PLXDC1: variants seen among roughly 807,000 people sequenced by gnomAD.
PLXDC1 encodes the protein plexin domain containing 1, also known as plexin domain-containing protein 1.
A neutral mutation model predicts 61.3 loss-of-function variants in PLXDC1; 39 were observed. The ratio of observed to expected loss-of-function variants is 0.64; its 90% confidence interval spans 0.49 to 0.83. The LOEUF is 0.83. PLXDC1 is among the 40% of genes least tolerant of loss of function. The pLI, the probability that PLXDC1 is intolerant of heterozygous loss-of-function variation, is 0.00. For missense variants in PLXDC1, 596 were observed against 666.5 expected, an observed-to-expected ratio of 0.89 and a Z score of 1.17; for synonymous variants, 212 against 254.5, an observed-to-expected ratio of 0.83 and a Z score of 1.59.
chr17:39,123,096 C>T (rs552946706), intron 2 of PLXDC1, among the ~76,000 whole-genome samples: 44 of 152,300 alleles, frequency 2.9e-4, no homozygotes, highest in African/African-American at 1.0e-3. Context: ...GTAAGACAGA[C>T]CCAAGTTCCA....
intron 2 of PLXDC1, chr17:39,112,037 T>C (rs115102192): frequency 0.011 from 1,711 of 152,246 alleles, 33 homozygotes; most frequent in African/African-American, 0.039. Context: ...CTGTCTCTCC[T>C]ATTTCCACCC....
At chr17:39,130,988 C>A (rs374537132) in intron 2 of PLXDC1, among the ~76,000 whole-genome samples, 1 of 152,144 alleles carries the variant, frequency 6.6e-6, no homozygotes, top group Non-Finnish European at 1.5e-5. Context: ...GGAACCGGAC[C>A]GGGAGAAAAC....
At chr17:39,135,761 A>T (rs950174315) in intron 2 of PLXDC1, among the ~76,000 whole-genome samples, 4 of 152,018 alleles carry the variant, frequency 2.6e-5, no homozygotes, top group Non-Finnish European at 4.4e-5. Context: ...CCAGGAACAC[A>T]TGGGGAACTT....
In PLXDC1 at chr17:39,079,116, G is replaced by A; in HGVS notation, c.1038C>T (p.Gly346=). The change falls in exon 10 of 14, where the codon GGC becomes GGT. Residue 346 remains glycine (G), a synonymous_variant. Transcript: ENST00000315392. ...TTATGCTTCTCACCTCCTGTGCACA[G>A]CCATAGTCCATCCACTCCTGGCGAT... ...DRYRQEWMDY[G]CAQEAEGRMC... 1 of 1,613,650 alleles carries A rather than the reference G, an allele frequency of 6.2e-7. No individual in the cohort carries two copies. Among genetic ancestry groups the A allele is most frequent in the South Asian group, 1.1e-5 (1 of 91,066 alleles).
At chr17:39,099,077 G>A (rs920005057) in intron 7 of PLXDC1, among the ~76,000 whole-genome samples, 1 of 152,032 alleles carries the variant, frequency 6.6e-6, no homozygotes. Flanking sequence ...GTGTCTGGGG[G>A]TCAGGTGCTG....
In PLXDC1 at chr17:39,063,603, AC is replaced by A. The variant is rs1908789215; in HGVS notation, c.*4236del. 4.7e-5 allele frequency: 31 copies of A among 654,154 alleles called. 1 individual carries two copies. In the South Asian group the frequency reaches 5.3e-4, roughly 11 times the overall value. 40.5% of individuals were successfully genotyped at this position (654,154 alleles called of 1,614,324 possible). ...AAATCCTTTGCACTTTCTTTTGCAC[AC>A]AGCAGGAGTTGTAAAAGAATGCTTC... On this transcript the variant is annotated 3_prime_UTR_variant, in exon 14 of 14. Coordinates refer to ENST00000315392, the MANE Select transcript of PLXDC1 (RefSeq NM_020405.5).
chr17:39,152,780 A>AG (rs1555574935), upstream of PLXDC1: 43 of 882,604 alleles, frequency 4.9e-5, no homozygotes, highest in African/African-American at 5.1e-4. Flanking sequence ...TAAAAAAAAA[A>AG]AAAAGAAAAG....
At chr17:39,090,025 C>T (rs995874666) in intron 7 of PLXDC1, among the ~76,000 whole-genome samples, 2 of 152,110 alleles carry the variant, frequency 1.3e-5, no homozygotes, top group African/African-American at 4.8e-5. Flanking sequence ...TCCCAAACTC[C>T]TGACCTCAGG....
At chr17:39,133,657 C>T (rs1483070739) in intron 2 of PLXDC1, among the ~76,000 whole-genome samples, 1 of 152,152 alleles carries the variant, frequency 6.6e-6, no homozygotes, top group African/African-American at 2.4e-5. Flanking sequence ...CTTGCTCTGT[C>T]ACCCAGGCTG....
At chr17:39,152,780 A>AAAAG, upstream of PLXDC1, 2 of 882,596 alleles carry the variant, frequency 2.3e-6, no homozygotes, top group East Asian at 3.3e-5. Context: ...TAAAAAAAAA[A>AAAAG]AAAAGAAAAG....
chr17:39,151,394 G>C lies in PLXDC1; in HGVS notation c.44C>G (p.Ala15Gly). 1 of 1,294,974 alleles carries C rather than the reference G, an allele frequency of 7.7e-7. No individual in the cohort carries two copies. The allele number at this position is 1,294,974 out of a possible 1,614,324, so 80.2% of individuals were successfully genotyped here. The stretch of plus-strand genomic sequence containing the variant: ...GGGCTGGGGGCTCAGCGCCCGGGCA[G>C]CCTCCCTGAGCACCAGCACCAGGAG... ...LWLLVLVLREAARALSPQPGA... is the reference protein window; with the variant it reads ...LWLLVLVLREGARALSPQPGA... Residue 15 changes from alanine (A) to glycine (G), a missense_variant, in exon 1 of 14, where the codon GCT becomes GGT. Physicochemically the swap from Ala to Gly is moderately conservative, Grantham distance 60. Coordinates refer to ENST00000315392, the MANE Select transcript of PLXDC1 (RefSeq NM_020405.5). The surrounding 1 kb of genome is among the most constrained non-coding windows in gnomAD (Gnocchi z 5.2).
In PLXDC1 at chr17:39,109,208, C is replaced by T. The variant is rs1166296014; in HGVS notation, c.399+40G>A. 6.9e-6 allele frequency: 11 copies of T among 1,584,836 alleles called. No homozygotes were observed. The South Asian group carries it at 1.3e-4, about 18-fold the overall frequency. On this transcript the variant is annotated intron_variant, in intron 3 of 13. Transcript: ENST00000315392. ...GGCAGGGTGGTTTGGCCCCCGGCCTCCCAGCACAGGGAAGCATGGCTGGCG... is the reference window on the plus strand; with the variant it reads ...GGCAGGGTGGTTTGGCCCCCGGCCTTCCAGCACAGGGAAGCATGGCTGGCG...
chr17:39,124,326 C>T (rs915051811), intron 2 of PLXDC1, among the ~76,000 whole-genome samples: 2 of 152,260 alleles, frequency 1.3e-5, no homozygotes, highest in African/African-American at 4.8e-5. Context: ...GGCACTGTGG[C>T]TCACGCCTGT....
At chr17:39,112,457 CTTTT>C (rs11448360) in intron 2 of PLXDC1, among the ~76,000 whole-genome samples, 6 of 121,110 alleles carry the variant, frequency 5.0e-5, no homozygotes, top group African/African-American at 6.3e-5. Context: ...TTTTTTCTTT[CTTTT>C]TTTTTTTTTT....
At position 39,128,228 on chromosome 17, in the gene PLXDC1, T is replaced by TA. The variant is rs552219468; in HGVS notation, c.255+11425_255+11426insT. Among the ~76,000 whole-genome samples the TA allele has an allele frequency of 2.1e-3, 307 of 149,236 alleles. 1 individual carries two copies. The highest frequency in any genetic ancestry group is 6.2e-3 in the Admixed American group (92 of 14,800). ...ATATATGTGTGTGTGTATATATATA[T>TA]TTTTTTGAGACAGAGTTTCACTCTT... On this transcript the variant is annotated intron_variant, in intron 2 of 13. Coordinates refer to ENST00000315392, the MANE Select transcript of PLXDC1 (RefSeq NM_020405.5).
At chr17:39,129,105 G>A (rs1325401094) in intron 2 of PLXDC1, among the ~76,000 whole-genome samples, 1 of 151,228 alleles carries the variant, frequency 6.6e-6, no homozygotes, top group Non-Finnish European at 1.5e-5. Context: ...ATCACTTGAG[G>A]CCAAGAGTTC....
chr17:39,145,468 T>C (rs1443218582), intron 1 of PLXDC1, among the ~76,000 whole-genome samples: 1 of 152,144 alleles, frequency 6.6e-6, no homozygotes, highest in Non-Finnish European at 1.5e-5. Flanking sequence ...ACAGCCTCTA[T>C]CCTGGGTCAG....
chr17:39,082,580 C>G (rs567430560), intron 9 of PLXDC1, among the ~76,000 whole-genome samples: 1 of 142,822 alleles, frequency 7.0e-6, no homozygotes, highest in East Asian at 2.1e-4. Context: ...AAAAAAAGCA[C>G]TGGAAAGGAG....
intron 12 of PLXDC1, 160 bp downstream of exon 12, chr17:39,072,290 C>T (rs1244605159): frequency 3.1e-6 from 2 of 653,460 alleles, no homozygotes; most frequent in Non-Finnish European, 5.6e-6. Context: ...GCCCAGAAGC[C>T]CCCCTGCCTC....
Sources: gnomAD v4.1 joint callset for allele counts (sites outside exome capture counted in the v4.1 genomes callset) on GRCh38, gnomAD v4.1.1 for gene constraint, Gnocchi (gnomAD v3.1) non-coding constraint, MANE v1.5 for transcripts, NCBI Gene and HGNC (gene_info 2026-07-23, HGNC 2026-07-21) for gene names.